The following ANKIB1 variants were observed in gnomAD, a reference collection of about 807,000 sequenced individuals.
ANKIB1 encodes ankyrin repeat and IBR domain-containing protein 1.
In ANKIB1, 43 loss-of-function variants were observed where a neutral mutation model predicts 122.1. The ratio of observed to expected loss-of-function variants is 0.35; its 90% CI spans 0.28 to 0.45. ANKIB1 has a LOEUF of 0.45. Ranked by LOEUF, ANKIB1 falls within the 20% of genes least tolerant of loss-of-function variation. The pLI is 1.00. For synonymous variants in ANKIB1, 390 were observed against 442.0 expected (o/e 0.88, Z 1.48); for missense variants, 992 against 1,329.5 (o/e 0.75, Z 3.95).
intron 3 of ANKIB1, among the ~76,000 whole-genome samples, chr7:92,319,095 A>C (rs1291298320): frequency 1.3e-5 from 2 of 152,106 alleles, no homozygotes; most frequent in African/African-American, 4.8e-5. Context: ...GGTTTTTTTA[A>C]ATTATTTTTT....
chr7:92,279,078 A>G (rs1278119403), intron 1 of ANKIB1, among the ~76,000 whole-genome samples: 1 of 152,184 alleles, frequency 6.6e-6, no homozygotes, highest in Non-Finnish European at 1.5e-5. Context: ...CATCAGGCAT[A>G]ATGAGCATAC....
chr7:92,276,594 C>T (rs898866100), intron 1 of ANKIB1, among the ~76,000 whole-genome samples: 1 of 152,224 alleles, frequency 6.6e-6, no homozygotes, highest in African/African-American at 2.4e-5. Context: ...GACAGCTAAG[C>T]CCTTTAGAGG....
intron 10 of ANKIB1, among the ~76,000 whole-genome samples, chr7:92,363,227 A>G (rs897758862): frequency 7.9e-5 from 12 of 152,234 alleles, no homozygotes; most frequent in Non-Finnish European, 1.6e-4. Context: ...CCTGGCCAAC[A>G]TGGTGAAACC....
intron 4 of ANKIB1, chr7:92,326,067 A>G: frequency 6.6e-6 from 2 of 303,790 alleles, no homozygotes; most frequent in Non-Finnish European, 6.6e-6. Context: ...GGACTGAGCA[A>G]TGTGTTGAAA....
chr7:92,373,409 A>T (rs984918146), intron 11 of ANKIB1, among the ~76,000 whole-genome samples: 1 of 152,264 alleles, frequency 6.6e-6, no homozygotes, highest in Admixed American at 6.5e-5. Flanking sequence ...TGCATTCATG[A>T]ATGTTTTCAT....
chr7:92,321,600 C>T (rs1237746134), intron 4 of ANKIB1, among the ~76,000 whole-genome samples: 2 of 152,100 alleles, frequency 1.3e-5, no homozygotes, highest in Non-Finnish European at 2.9e-5. Flanking sequence ...TAAATTTTTT[C>T]CTCCCAAAAG....
chr7:92,303,922 GAATCT>G (rs1802502791), intron 2 of ANKIB1, among the ~76,000 whole-genome samples: 3 of 152,064 alleles, frequency 2.0e-5, no homozygotes, highest in Non-Finnish European at 4.4e-5. Flanking sequence ...AACAGTGAAA[GAATCT>G]AGAAAAGCAC....
At chr7:92,283,725 T>A (rs1333927424) in intron 1 of ANKIB1, among the ~76,000 whole-genome samples, 1 of 152,230 alleles carries the variant, frequency 6.6e-6, no homozygotes. Flanking sequence ...TTTTATTTTT[T>A]AAATAAATTT....
intron 1 of ANKIB1, among the ~76,000 whole-genome samples, chr7:92,255,170 A>G: frequency 6.6e-6 from 1 of 152,184 alleles, no homozygotes; most frequent in East Asian, 1.9e-4. Context: ...GCAATGTGAA[A>G]ATGGACTAAT....
At chr7:92,392,358 C>G in intron 17 of ANKIB1, 66 bp downstream of exon 17, 1 of 1,367,366 alleles carries the variant, frequency 7.3e-7, no homozygotes, top group Middle Eastern at 2.0e-4. Context: ...GCATTTGCAT[C>G]CTTATCTATT....
intron 3 of ANKIB1, 133 bp downstream of exon 3, chr7:92,307,789 C>T (rs966275797): frequency 7.0e-6 from 4 of 568,602 alleles, no homozygotes; most frequent in African/African-American, 4.1e-5. Context: ...TCTAAAAGAC[C>T]CTTTTAAATA....
chr7:92,351,963 C>T (rs977753514), intron 8 of ANKIB1, among the ~76,000 whole-genome samples: 1 of 151,986 alleles, frequency 6.6e-6, no homozygotes, highest in African/African-American at 2.4e-5. Context: ...TTAGGTGATC[C>T]GCCTGCCTCA....
chr7:92,310,586 T>G (rs1316048893), intron 3 of ANKIB1, among the ~76,000 whole-genome samples: 2 of 152,184 alleles, frequency 1.3e-5, no homozygotes, highest in African/African-American at 4.8e-5. Context: ...CAGTTGTCAC[T>G]TGGTATCCAA....
At chr7:92,264,338 C>T (rs1801625541) in intron 1 of ANKIB1, among the ~76,000 whole-genome samples, 1 of 151,896 alleles carries the variant, frequency 6.6e-6, no homozygotes, top group Admixed American at 6.6e-5. Context: ...ACCATAGTAA[C>T]AATTCAGAGA....
intron 15 of ANKIB1, 50 bp downstream of exon 15, chr7:92,390,166 A>G (rs753677071): frequency 7.4e-7 from 1 of 1,357,132 alleles, no homozygotes; most frequent in East Asian, 2.7e-5. Flanking sequence ...TATGAAATAC[A>G]GAATTTTTCA....
chr7:92,392,850 G>C (rs1804815400), intron 17 of ANKIB1, among the ~76,000 whole-genome samples: 1 of 151,816 alleles, frequency 6.6e-6, no homozygotes, highest in African/African-American at 2.4e-5. Flanking sequence ...AAATACAGAA[G>C]GTCTAAATTA....
At chr7:92,257,197 A>T (rs1801465245) in intron 1 of ANKIB1, among the ~76,000 whole-genome samples, 1 of 152,088 alleles carries the variant, frequency 6.6e-6, no homozygotes, top group South Asian at 2.1e-4. Context: ...GAAAAGAAAA[A>T]AAAAAAGAGA....
intron 1 of ANKIB1, among the ~76,000 whole-genome samples, chr7:92,270,019 T>G (rs1801753066): frequency 6.9e-6 from 1 of 144,468 alleles, no homozygotes; most frequent in Non-Finnish European, 1.5e-5. Context: ...AGTGATCTCA[T>G]TGTTCAATTC....
At chr7:92,252,989 G>GT in intron 1 of ANKIB1, among the ~76,000 whole-genome samples, 1 of 152,008 alleles carries the variant, frequency 6.6e-6, no homozygotes, top group Non-Finnish European at 1.5e-5. Flanking sequence ...CTACTGGAGT[G>GT]TCATTGCTTC....
Sources: allele counts gnomAD v4.1 joint callset (sites outside exome capture counted in the v4.1 genomes callset), GRCh38; gene constraint gnomAD v4.1.1; transcripts MANE v1.5; gene names NCBI Gene and HGNC (gene_info 2026-07-23, HGNC 2026-07-21).